The following CACNA1E variants were observed in gnomAD, a reference collection of about 807,000 sequenced individuals.
CACNA1E encodes the protein calcium voltage-gated channel subunit alpha1 E.
A neutral mutation model predicts 259.2 loss-of-function variants in CACNA1E; 40 were observed. That is an observed-to-expected ratio of 0.15 (90% confidence interval 0.12 to 0.20). CACNA1E has a LOEUF of 0.20. Ranked by LOEUF, CACNA1E falls within the 10% of genes least tolerant of loss-of-function variation. The pLI, the probability that CACNA1E is intolerant of heterozygous loss-of-function variation, is 1.00. For synonymous variants in CACNA1E, 1,104 were observed against 1,138.5 expected (o/e 0.97, Z 0.61); for missense variants, 1,874 against 3,040.1 (o/e 0.62, Z 9.02).
At position 181,322,948 on chromosome 1, in the gene CACNA1E, A is replaced by G. The variant is rs142658806; in HGVS notation, c.-15+4825A>G. 2.7e-3 allele frequency among the ~76,000 whole-genome samples: 414 copies of G among 152,342 alleles called. 4 individuals carry two copies. The highest frequency in any genetic ancestry group is 9.0e-3 in the African/African-American group (374 of 41,576). On this transcript the variant is annotated intron_variant, in intron 1 of 11. Transcript: ENST00000524607. The stretch of plus-strand genomic sequence containing the variant: ...AAGGTGTGATGCTGTCTTGGGCACA[A>G]CTGCGTATGGCACGGGAGTGCATCC...
chr1:181,721,736 G>A (rs762461486), intron 15 of CACNA1E, 22 bp from the exon 16 acceptor site: 29 of 1,504,858 alleles, frequency 1.9e-5, no homozygotes, highest in Admixed American at 1.2e-4. Context: ...TTTCTGATGC[G>A]CCTGTCATTT....
chr1:181,573,363 A>G (rs559543350), intron 3 of CACNA1E, among the ~76,000 whole-genome samples: 6 of 151,814 alleles, frequency 4.0e-5, no homozygotes, highest in African/African-American at 1.4e-4. Context: ...GCCATTTTCA[A>G]CTCTTTACTT....
At position 181,803,847 on chromosome 1, in the gene CACNA1E, A is replaced by G. The variant is rs560783101; in HGVS notation, c.*5013A>G. On this transcript the variant is annotated 3_prime_UTR_variant, in exon 48 of 48. Coordinates refer to ENST00000367573, the MANE Select transcript of CACNA1E (RefSeq NM_001205293.3). ...CCCAAAGGGCCTGAAAAGCCTCTCT[A>G]AACAAAACTCAAGATAGCTGAGAAG... The G allele has an allele frequency of 6.6e-6, 1 of 152,308 alleles. No homozygotes were observed. The highest frequency in any genetic ancestry group is 2.4e-5 in the African/African-American group (1 of 41,570). 9.4% of individuals were successfully genotyped at this position (152,308 alleles called of 1,614,324 possible).
chr1:181,334,604 C>T (rs1248362031), intron 1 of CACNA1E, among the ~76,000 whole-genome samples: 1 of 152,244 alleles, frequency 6.6e-6, no homozygotes, highest in African/African-American at 2.4e-5. Context: ...CTTGACACCT[C>T]TCTTTCACTC....
chr1:181,766,699 A>T, intron 35 of CACNA1E, 88 bp downstream of exon 35: 1 of 1,005,450 alleles, frequency 9.9e-7, no homozygotes, highest in Non-Finnish European at 1.5e-6. Flanking sequence ...AGACCTGAAG[A>T]TGCTTTGAAC....
chr1:181,531,930 C>T (rs1195452796), intron 3 of CACNA1E, among the ~76,000 whole-genome samples: 1 of 152,218 alleles, frequency 6.6e-6, no homozygotes, highest in East Asian at 1.9e-4. Context: ...ATGGCACGTA[C>T]CTGTAATCCC....
In CACNA1E at chr1:181,787,352, C is replaced by T. The variant is rs566662994; in HGVS notation, c.5786+1533C>T. 1.5e-4 allele frequency among the ~76,000 whole-genome samples: 23 copies of T among 152,158 alleles called. No homozygotes were observed. In the East Asian group the frequency reaches 2.7e-3, roughly 18 times the overall value. On this transcript the variant is annotated intron_variant, in intron 43 of 47. Coordinates refer to ENST00000367573, the MANE Select transcript of CACNA1E (RefSeq NM_001205293.3). ...GTCTCGATCTCCTGCCCTCATGATCCGCCTGCCTTGGCCTCCCAAAGTGCT... is the reference window on the plus strand; with the variant it reads ...GTCTCGATCTCCTGCCCTCATGATCTGCCTGCCTTGGCCTCCCAAAGTGCT...
At chr1:181,355,630 A>ACAAAC (rs1553234076) in intron 1 of CACNA1E, among the ~76,000 whole-genome samples, 9 of 128,510 alleles carry the variant, frequency 7.0e-5, no homozygotes, top group African/African-American at 1.9e-4. Context: ...ACAAAACAAA[A>ACAAAC]CAAACCAGAC....
chr1:181,740,436 T>A (rs758492282), intron 25 of CACNA1E, among the ~76,000 whole-genome samples: 2 of 151,942 alleles, frequency 1.3e-5, no homozygotes, highest in Non-Finnish European at 2.9e-5. Context: ...CTTCAAGCAC[T>A]GTCAGCTGCT....
chr1:181,357,284 C>T lies in CACNA1E; in HGVS notation c.-15+39161C>T, dbSNP rs555367677. Among the ~76,000 whole-genome samples, 11 of 152,326 alleles carry T rather than the reference C, an allele frequency of 7.2e-5. No homozygotes were observed. In the South Asian group the frequency reaches 2.3e-3, roughly 32 times the overall value. ...CCACTCCTGTTCTCAGCTCAGACCC[C>T]TCAGAATGGGTGTTGCCTCACCATT... On this transcript the variant is annotated intron_variant, in intron 1 of 11. Transcript: ENST00000524607.
chr1:181,621,100 CATT>C (rs779184651), intron 6 of CACNA1E, among the ~76,000 whole-genome samples: 20 of 152,210 alleles, frequency 1.3e-4, no homozygotes, highest in Non-Finnish European at 2.5e-4. Context: ...CGTCTGGCAT[CATT>C]GAGATCACAC....
chr1:181,518,558 C>G (rs955636120), intron 3 of CACNA1E, among the ~76,000 whole-genome samples: 7 of 152,190 alleles, frequency 4.6e-5, no homozygotes, highest in Non-Finnish European at 8.8e-5. Context: ...AAGGTCTCTT[C>G]TTAGCTCTGT....
chr1:181,392,344 C>T (rs1453872333), intron 1 of CACNA1E, among the ~76,000 whole-genome samples: 1 of 152,202 alleles, frequency 6.6e-6, no homozygotes, highest in African/African-American at 2.4e-5. Flanking sequence ...AACCTCACCT[C>T]TTCCAGGAAG....
intron 2 of CACNA1E, among the ~76,000 whole-genome samples, chr1:181,422,616 C>A (rs186573027): frequency 6.6e-6 from 1 of 152,270 alleles, no homozygotes; most frequent in Admixed American, 6.5e-5. Context: ...AGATATCCAA[C>A]CTTTGTGGGC....
chr1:181,402,363 A>T (rs1657161440), intron 1 of CACNA1E, among the ~76,000 whole-genome samples: 1 of 152,160 alleles, frequency 6.6e-6, no homozygotes, highest in Non-Finnish European at 1.5e-5. Flanking sequence ...CCAGGGAAAG[A>T]GGTGGGAAGG....
At position 181,354,323 on chromosome 1, in the gene CACNA1E, G is replaced by A. The variant is rs1215454478; in HGVS notation, c.-15+36200G>A. 2.6e-5 allele frequency among the ~76,000 whole-genome samples: 4 copies of A among 152,280 alleles called. No homozygotes were observed. The East Asian group carries it at 7.7e-4, about 29-fold the overall frequency. ...GCAAAATAAATAAGTAAAATCTACA[G>A]CATGTTAGATGTGGACTCCTGCTAT... On this transcript the variant is annotated intron_variant, in intron 1 of 11. Coordinates refer to the CACNA1E transcript ENST00000524607.
intron 6 of CACNA1E, among the ~76,000 whole-genome samples, chr1:181,612,337 T>C (rs1654825660): frequency 6.6e-6 from 1 of 152,200 alleles, no homozygotes; most frequent in Non-Finnish European, 1.5e-5. Flanking sequence ...CAATCACAAA[T>C]TGACTTCCCA....
intron 3 of CACNA1E, among the ~76,000 whole-genome samples, chr1:181,528,941 T>A (rs1667566788): frequency 6.6e-6 from 1 of 152,256 alleles, no homozygotes; most frequent in South Asian, 2.1e-4. Context: ...AAATTCATGC[T>A]GGCTGCAGAA....
intron 16 of CACNA1E, among the ~76,000 whole-genome samples, chr1:181,724,185 T>C (rs950423683): frequency 1.9e-4 from 29 of 152,204 alleles, no homozygotes; most frequent in Non-Finnish European, 4.0e-4. Flanking sequence ...CACAGTATCG[T>C]AATTTTCCTC....
Sources: gnomAD v4.1 joint callset for allele counts (sites outside exome capture counted in the v4.1 genomes callset) on GRCh38, gnomAD v4.1.1 for gene constraint, MANE v1.5 for transcripts, NCBI Gene and HGNC (gene_info 2026-07-23, HGNC 2026-07-21) for gene names.